The following HFM1 variants were observed in gnomAD, a reference collection of about 807,000 sequenced individuals.
The protein encoded by HFM1 is helicase for meiosis 1.
In HFM1, 169 loss-of-function variants were observed where a neutral mutation model predicts 192.1. The observed-to-expected ratio is 0.88, with a 90% CI of 0.78 to 1.00. The LOEUF (loss-of-function observed/expected upper bound fraction) is 1.00. Among genes scored for constraint, HFM1 ranks in the 50% least tolerant of loss-of-function variants. The pLI is 0.00. For missense variants in HFM1, 1,661 were observed against 1,668.0 expected (o/e 1.00, Z 0.07); for synonymous variants, 525 against 537.8 (o/e 0.98, Z 0.33).
At position 91,351,529 on chromosome 1, in the gene HFM1, G is replaced by A; in HGVS notation, c.2072+20C>T. On this transcript the variant is annotated intron_variant, in intron 17 of 38. Transcript: ENST00000370425. Reference sequence around the variant, plus strand: ...GCTATATTAGCATTAGTATCTTTTTGGAACTTTTTTTTATACTACCTGCTT... The same window carrying A: ...GCTATATTAGCATTAGTATCTTTTTAGAACTTTTTTTTATACTACCTGCTT... 1 of 1,284,668 alleles carries A rather than the reference G, an allele frequency of 7.8e-7. No homozygotes were observed. The highest frequency in any genetic ancestry group is 1.1e-6 in the Non-Finnish European group (1 of 904,768). The allele number at this position is 1,284,668 out of a possible 1,614,324, so 79.6% of individuals were successfully genotyped here.
At chr1:91,398,163 CT>C (rs1265947968) in intron 2 of HFM1, among the ~76,000 whole-genome samples, 1 of 152,118 alleles carries the variant, frequency 6.6e-6, no homozygotes, top group Non-Finnish European at 1.5e-5. Flanking sequence ...TATATTAACT[CT>C]TTTCTACACA....
rs757458389 is a variant in HFM1 at position 91,375,466 on chromosome 1, G to A, written c.1597-20C>T. 1.4e-5 allele frequency: 23 copies of A among 1,610,620 alleles called. No individual in the cohort carries two copies. The highest frequency in any genetic ancestry group is 8.4e-5 in the Admixed American group (5 of 59,786). ...ACAAAACTGAAAATAAATTCATAAC[G>A]TTTGTATTAATCATGTTAAAAACTG... On this transcript the variant is annotated intron_variant, in intron 12 of 38. Coordinates refer to ENST00000370425, the MANE Select transcript of HFM1 (RefSeq NM_001017975.6).
chr1:91,275,887 T>TA (rs1666751978), intron 32 of HFM1, among the ~76,000 whole-genome samples: 1 of 152,170 alleles, frequency 6.6e-6, no homozygotes, highest in Non-Finnish European at 1.5e-5. Context: ...TGTCACTGGT[T>TA]AAAATCTTTC....
chr1:91,387,419 G>C (rs1571206986), intron 4 of HFM1, among the ~76,000 whole-genome samples: 1 of 150,772 alleles, frequency 6.6e-6, no homozygotes, highest in Non-Finnish European at 1.5e-5. Flanking sequence ...GAAGGATCGT[G>C]AGGCCCCGCT....
rs769890245 is a variant in HFM1, at chr1:91,394,353, A to G, written c.234T>C (p.Asn78=). The change falls in exon 4 of 39, where the codon AAT becomes AAC. Residue 78 remains asparagine, a synonymous_variant. Coordinates refer to ENST00000370425, the MANE Select transcript of HFM1 (RefSeq NM_001017975.6). ...TTAGTGAAATATAATTTGTATCTTC[A>G]TTAGTTATCTTTAAATTTGATGTTA... ...KMLTSNLKIT[N]EDTNYISLTQ... is the part of the protein sequence containing the mutation. 3.2e-6 allele frequency: 5 copies of G among 1,570,000 alleles called. No individual in the cohort carries two copies. The highest frequency in any genetic ancestry group is 2.3e-5 in the East Asian group (1 of 44,308).
chr1:91,319,903 T>G (rs1190680790), intron 23 of HFM1, among the ~76,000 whole-genome samples: 2 of 152,220 alleles, frequency 1.3e-5, no homozygotes, highest in East Asian at 3.8e-4. Context: ...TTCTATTCAG[T>G]GTATGAAGGT....
At chr1:91,360,605 A>T (rs1029575893) in intron 13 of HFM1, among the ~76,000 whole-genome samples, 1 of 152,202 alleles carries the variant, frequency 6.6e-6, no homozygotes, top group Non-Finnish European at 1.5e-5. Flanking sequence ...TGGAGACTTT[A>T]ACAACCCATT....
intron 30 of HFM1, among the ~76,000 whole-genome samples, chr1:91,303,817 A>T (rs1324512309): frequency 1.3e-5 from 2 of 152,170 alleles, no homozygotes; most frequent in African/African-American, 4.8e-5. Flanking sequence ...TTCTTTGGAA[A>T]ATGTCTATGC....
At chr1:91,274,386 G>A (rs1047551696) in intron 33 of HFM1, among the ~76,000 whole-genome samples, 1 of 151,948 alleles carries the variant, frequency 6.6e-6, no homozygotes, top group Admixed American at 6.6e-5. Context: ...CTTCTAAATG[G>A]AAAGGTTAGA....
At chr1:91,305,577 CTTTTT>C (rs1040368753) in intron 30 of HFM1, among the ~76,000 whole-genome samples, 2 of 148,072 alleles carry the variant, frequency 1.4e-5, no homozygotes, top group Non-Finnish European at 3.0e-5. Context: ...CTTTTTTTTT[CTTTTT>C]TTTGAGACAA....
At chr1:91,359,391 C>T (rs1183564032) in intron 13 of HFM1, among the ~76,000 whole-genome samples, 1 of 151,970 alleles carries the variant, frequency 6.6e-6, no homozygotes, top group Non-Finnish European at 1.5e-5. Flanking sequence ...GCCAGAACAG[C>T]CAGTTTAGAG....
At chr1:91,382,696 T>C (rs1261728478) in intron 6 of HFM1, among the ~76,000 whole-genome samples, 1 of 152,240 alleles carries the variant, frequency 6.6e-6, no homozygotes, top group Non-Finnish European at 1.5e-5. Flanking sequence ...TGGGCCATCA[T>C]GTTGGTTTTT....
At chr1:91,269,222 G>A (rs1241297262) in intron 34 of HFM1, among the ~76,000 whole-genome samples, 3 of 151,982 alleles carry the variant, frequency 2.0e-5, no homozygotes, top group Admixed American at 6.6e-5. Context: ...AAAAATGCAC[G>A]ACAGAACCCT....
upstream of HFM1, among the ~76,000 whole-genome samples, chr1:91,407,326 T>C (rs1450344552): frequency 2.6e-5 from 4 of 152,060 alleles, no homozygotes; most frequent in Non-Finnish European, 5.9e-5. Context: ...CTGCACGTTG[T>C]GCACATGTAC....
upstream of HFM1, among the ~76,000 whole-genome samples, chr1:91,407,618 T>C (rs1664853633): frequency 6.6e-6 from 1 of 152,252 alleles, no homozygotes. Flanking sequence ...TGTATTTATA[T>C]ACCACATTTT....
chr1:91,319,327 T>C lies in HFM1; in HGVS notation c.2646A>G (p.Ala882=). 2 of 1,612,816 alleles carry C rather than the reference T, an allele frequency of 1.2e-6. No individual in the cohort carries two copies. Among genetic ancestry groups the C allele is most frequent in the Non-Finnish European group, 1.7e-6 (2 of 1,178,850 alleles). The change falls in exon 24 of 39, where the codon GCA becomes GCG. Residue 882 remains alanine, a synonymous_variant. Transcript: ENST00000370425. Reference sequence around the variant, plus strand: ...TTCGGGAGCCATGTCTGAAAATCTTTGCGGTATCTTGTGTCAAAGCAAAAT... The same window carrying C: ...TTCGGGAGCCATGTCTGAAAATCTTCGCGGTATCTTGTGTCAAAGCAAAAT... The part of the protein sequence containing the change: ...IQDFALTQDT[A]KIFRHGSRIT...
rs199920073 is a variant in HFM1 at position 91,323,178 on chromosome 1, T to C, written c.2449A>G (p.Lys817Glu). 234 of 1,575,016 alleles carry C rather than the reference T, an allele frequency of 1.5e-4. No homozygotes were observed. The highest frequency in any genetic ancestry group is 1.9e-4 in the Non-Finnish European group (224 of 1,148,818). ...SDLVTLIAGC[K>E]EFLDIQLRIN... ...CTTAACTGTATATCTAGAAATTCCT[T>C]GCAGCCAGCTATCAATGTAACCTAT... The change falls in exon 22 of 39, where the codon AAG (lysine) becomes GAG (glutamate). Residue 817 changes from lysine to glutamate, a missense_variant. Coordinates refer to ENST00000370425, the MANE Select transcript of HFM1 (RefSeq NM_001017975.6).
intron 4 of HFM1, among the ~76,000 whole-genome samples, chr1:91,390,238 C>A (rs1470818249): frequency 1.3e-5 from 2 of 152,024 alleles, no homozygotes; most frequent in Admixed American, 6.6e-5. Flanking sequence ...GAGATGAAGA[C>A]CATCCTGGTC....
intron 13 of HFM1, among the ~76,000 whole-genome samples, chr1:91,361,953 T>A (rs1010116440): frequency 6.6e-6 from 1 of 151,582 alleles, no homozygotes; most frequent in Non-Finnish European, 1.5e-5. Context: ...GACATTATTA[T>A]CCCAATAGAC....
Sources: allele counts gnomAD v4.1 joint callset (sites outside exome capture counted in the v4.1 genomes callset), GRCh38; gene constraint gnomAD v4.1.1; transcripts MANE v1.5; gene names NCBI Gene and HGNC (gene_info 2026-07-23, HGNC 2026-07-21).